Variants in LRTM3 observed in about 807,000 individuals in gnomAD.
LRTM3 encodes the protein leucine rich repeat transmembrane protein 3, also known as leucine-rich repeat transmembrane protein 3.
At chr13:102,755,189 C>A in the LRTM3 span, among the ~76,000 whole-genome samples, 107,326 of 151,530 alleles carry the variant, frequency 0.71, 39,468 homozygotes, top group South Asian at 0.84. Context: ...ACTACACCTG[C>A]AACTCCCTCT....
At chr13:102,747,544 A>G in the LRTM3 span, 1 of 1,550,986 alleles carries the variant, frequency 6.4e-7, no homozygotes, top group Non-Finnish European at 8.7e-7. Context: ...GGGCAACTGC[A>G]GGTAAATATC....
the LRTM3 span, chr13:102,732,857 T>C: frequency 1.3e-6 from 2 of 1,551,404 alleles, no homozygotes; most frequent in Non-Finnish European, 1.7e-6. Context: ...CTGCTCTAGA[T>C]TTATATTGGT....
the LRTM3 span, chr13:102,736,406 A>G: frequency 6.4e-7 from 1 of 1,551,062 alleles, no homozygotes; most frequent in South Asian, 1.2e-5. Flanking sequence ...ATGCATGGAT[A>G]CTGTTTGTAC....
the LRTM3 span, chr13:102,732,156 T>TCTAA: frequency 1.3e-6 from 2 of 1,551,342 alleles, no homozygotes; most frequent in Non-Finnish European, 1.7e-6. Flanking sequence ...ATTTCACTAG[T>TCTAA]GTTTGGTGAT....
the LRTM3 span, among the ~76,000 whole-genome samples, chr13:102,753,785 TG>T: frequency 6.6e-6 from 1 of 152,212 alleles, no homozygotes; most frequent in Non-Finnish European, 1.5e-5. Context: ...GACAAAATTT[TG>T]CGTTGGATGA....
chr13:102,743,138 A>C, the LRTM3 span: 1 of 1,550,524 alleles, frequency 6.4e-7, no homozygotes, highest in South Asian at 1.2e-5. Flanking sequence ...CATTTCTGTA[A>C]GATGTTCTTG....
At chr13:102,731,831 A>G in the LRTM3 span, 1 of 1,549,496 alleles carries the variant, frequency 6.5e-7, no homozygotes, top group Non-Finnish European at 8.7e-7. Context: ...TTGCTTGGGT[A>G]ACTTTGGATC....
the LRTM3 span, chr13:102,742,456 T>G: frequency 6.5e-7 from 1 of 1,548,686 alleles, no homozygotes. Flanking sequence ...GATCTGCCCT[T>G]GTTTTCCAGT....
chr13:102,746,779 A>T, the LRTM3 span: 1 of 1,551,174 alleles, frequency 6.4e-7, no homozygotes, highest in Non-Finnish European at 8.7e-7. Flanking sequence ...TATCACTTCC[A>T]TTACTTGGAA....
chr13:102,752,300 T>G, the LRTM3 span, among the ~76,000 whole-genome samples: 9 of 152,304 alleles, frequency 5.9e-5, no homozygotes, highest in Admixed American at 5.9e-4. Context: ...TCATAAATAT[T>G]CATGACTCCT....
the LRTM3 span, chr13:102,749,450 G>C: frequency 6.4e-7 from 1 of 1,551,182 alleles, no homozygotes; most frequent in Non-Finnish European, 8.7e-7. Context: ...CTTAAAAATA[G>C]TGTCTTGCCC....
At chr13:102,731,749 A>G in the LRTM3 span, 3 of 1,551,362 alleles carry the variant, frequency 1.9e-6, no homozygotes, top group Non-Finnish European at 2.6e-6. Flanking sequence ...GTATGGGCAC[A>G]GTTCCTGGGA....
chr13:102,754,551 A>G, the LRTM3 span, among the ~76,000 whole-genome samples: 147 of 152,252 alleles, frequency 9.7e-4, no homozygotes, highest in African/African-American at 3.4e-3. Flanking sequence ...CCTCAATTTC[A>G]GTGAGAAAAA....
the LRTM3 span, chr13:102,734,206 A>C: frequency 1.2e-5 from 19 of 1,551,230 alleles, no homozygotes; most frequent in Non-Finnish European, 1.7e-5. Context: ...TTTTCACTTC[A>C]TGCCTGTTTT....
chr13:102,740,986 C>T, the LRTM3 span: 141 of 1,549,956 alleles, frequency 9.1e-5, no homozygotes, highest in African/African-American at 1.1e-3. Context: ...GTTGATCCAC[C>T]GGAATACCTA....
At chr13:102,732,182 G>A in the LRTM3 span, 2 of 1,551,234 alleles carry the variant, frequency 1.3e-6, no homozygotes, top group Non-Finnish European at 1.7e-6. Context: ...CTGGAATTTA[G>A]GAAGACAGAT....
At chr13:102,741,815 T>A in the LRTM3 span, 1 of 1,550,432 alleles carries the variant, frequency 6.4e-7, no homozygotes, top group Admixed American at 2.0e-5. Flanking sequence ...AATGAGGAAT[T>A]CAAGTTCTTC....
the LRTM3 span, chr13:102,748,808 G>T: frequency 6.4e-7 from 1 of 1,550,492 alleles, no homozygotes; most frequent in Non-Finnish European, 8.7e-7. Context: ...GACCATGAAG[G>T]ATTGTTCTAG....
the LRTM3 span, chr13:102,732,636 T>G: frequency 2.6e-6 from 4 of 1,551,208 alleles, no homozygotes; most frequent in South Asian, 4.8e-5. Flanking sequence ...ACTTGAGTCT[T>G]CATTTGAGAT....
Sources: allele counts gnomAD v4.1 joint callset (sites outside exome capture counted in the v4.1 genomes callset), GRCh38; gene constraint gnomAD v4.1.1; transcripts MANE v1.5; gene names NCBI Gene and HGNC (gene_info 2026-07-23, HGNC 2026-07-21).